Variants in CELA3A observed in about 807,000 individuals in gnomAD.
The protein encoded by CELA3A is chymotrypsin-like elastase family member 3A.
CELA3A carries 35 observed loss-of-function variants against 38.6 expected under a neutral mutation model. The observed-to-expected ratio is 0.91, with a 90% confidence interval of 0.69 to 1.20. The LOEUF (loss-of-function observed/expected upper bound fraction) is 1.20. CELA3A is among the 50% of genes most tolerant of loss of function. The pLI, the probability that CELA3A is intolerant of heterozygous loss-of-function variation, is 0.00. For missense variants in CELA3A, 343 were observed against 354.2 expected (o/e 0.97, Z 0.25); for synonymous variants, 143 against 136.7 (o/e 1.05, Z -0.32).
intron 1 of CELA3A, among the ~76,000 whole-genome samples, chr1:22,002,205 C>G (rs1380896797): frequency 1.3e-5 from 2 of 151,156 alleles, no homozygotes; most frequent in African/African-American, 2.5e-5. Flanking sequence ...CTTACTATGC[C>G]AGGCAGAATG....
At chr1:22,004,941 A>C (rs1427180943) in intron 2 of CELA3A, among the ~76,000 whole-genome samples, 1 of 151,080 alleles carries the variant, frequency 6.6e-6, no homozygotes, top group Non-Finnish European at 1.5e-5. Flanking sequence ...GTCTACTAAA[A>C]ATACAAAATT....
At chr1:22,006,297 G>A (rs11585373) in intron 4 of CELA3A, among the ~76,000 whole-genome samples, 2,163 of 151,512 alleles carry the variant, frequency 0.014, 122 homozygotes, top group African/African-American at 0.051. Flanking sequence ...AGGTGACCAT[G>A]AAGTTGGGCT....
intron 2 of CELA3A, among the ~76,000 whole-genome samples, chr1:22,003,859 C>T (rs1182217439): frequency 6.7e-6 from 1 of 150,258 alleles, no homozygotes; most frequent in Non-Finnish European, 1.5e-5. Context: ...CACGCGCCAC[C>T]AAGCCCGGCT....
rs1472615057 is a variant in CELA3A at position 22,005,715 on chromosome 1, A to C, written c.281A>C (p.Glu94Ala). The change falls in exon 4 of 8, where the codon GAG becomes GCG. Residue 94 changes from glutamate to alanine, a missense_variant. By Grantham distance (107) the Glu-to-Ala change is moderately radical (BLOSUM62 -1). Coordinates refer to ENST00000290122, the MANE Select transcript of CELA3A (RefSeq NM_005747.5). ...VLGEYNLAVK[E>A]GPEQVIPINS... ...GGTGAGTACAACCTTGCTGTGAAGG[A>C]GGGCCCCGAGCAGGTGATCCCCATC... 7 of 1,612,264 alleles carry C rather than the reference A, an allele frequency of 4.3e-6. No individual in the cohort carries two copies. In the South Asian group the frequency reaches 5.5e-5, roughly 13 times the overall value.
chr1:22,009,342 C>T (rs1190567423), intron 6 of CELA3A, among the ~76,000 whole-genome samples: 6 of 151,034 alleles, frequency 4.0e-5, no homozygotes, highest in Non-Finnish European at 5.9e-5. Context: ...CCAGCCTGGG[C>T]GTCAGAGTGA....
chr1:22,005,635 C>T, intron 3 of CELA3A, 27 bp from the exon 4 acceptor site: 1 of 1,612,236 alleles, frequency 6.2e-7, no homozygotes, highest in Non-Finnish European at 8.5e-7. Context: ...CCAGTCAGGC[C>T]CCGACTGACC....
chr1:22,008,999 G>A (rs571607829), intron 6 of CELA3A, among the ~76,000 whole-genome samples: 37 of 151,772 alleles, frequency 2.4e-4, no homozygotes, highest in African/African-American at 9.0e-4. Flanking sequence ...AATCCCTTTG[G>A]GAGGCCCCGG....
In CELA3A at chr1:22,003,102, C is replaced by T; in HGVS notation, c.129+14C>T. On this transcript the variant is annotated intron_variant, in intron 2 of 7. Transcript: ENST00000290122. ...TGGCCCTGGCAGGTAAGAGCAATAGCAGCTGCCCTCATTCCCACCGTGGGC... is the reference window on the plus strand; with the variant it reads ...TGGCCCTGGCAGGTAAGAGCAATAGTAGCTGCCCTCATTCCCACCGTGGGC... The T allele has an allele frequency of 6.4e-7, 1 of 1,573,082 alleles. No homozygotes were observed. The highest frequency in any genetic ancestry group is 8.6e-7 in the Non-Finnish European group (1 of 1,162,986).
chr1:22,003,192 C>T lies in CELA3A; in HGVS notation c.129+104C>T, dbSNP rs1644928702. 3.4e-6 allele frequency: 4 copies of T among 1,162,970 alleles called. No individual in the cohort carries two copies. In the East Asian group the frequency reaches 1.1e-4, roughly 31 times the overall value. The allele number at this position is 1,162,970 out of a possible 1,614,324, so 72.0% of individuals were successfully genotyped here. Reference sequence around the variant, plus strand: ...ACACCATTGCTCCCTTTGCAATGTCCACTTCAGCTTCCAAAGACCAGGCAG... The same window carrying T: ...ACACCATTGCTCCCTTTGCAATGTCTACTTCAGCTTCCAAAGACCAGGCAG... On this transcript the variant is annotated intron_variant, in intron 2 of 7. Transcript: ENST00000290122.
intron 7 of CELA3A, 128 bp from the exon 8 acceptor site, chr1:22,012,322 G>A: frequency 1.5e-6 from 2 of 1,293,358 alleles, no homozygotes; most frequent in Non-Finnish European, 2.1e-6. Flanking sequence ...GGAGGAAACT[G>A]AGGCTCAGAG....
intron 2 of CELA3A, among the ~76,000 whole-genome samples, chr1:22,003,391 C>T (rs1644929675): frequency 6.6e-6 from 1 of 151,124 alleles, no homozygotes; most frequent in Non-Finnish European, 1.5e-5. Context: ...TTTTGAGAGA[C>T]TCATTTCTAG....
chr1:22,006,908 C>T lies in CELA3A; in HGVS notation c.393C>T (p.Arg131=), dbSNP rs1370163223. Residue 131 remains arginine, a synonymous_variant, in exon 5 of 8, where the codon CGC becomes CGT. Coordinates refer to ENST00000290122, the MANE Select transcript of CELA3A (RefSeq NM_005747.5). ...ACATCGCCCTCATCAAGCTCTCACGCAGCGCCCAGCTGGGAGATGCCGTCC... is the reference window on the plus strand; with the variant it reads ...ACATCGCCCTCATCAAGCTCTCACGTAGCGCCCAGCTGGGAGATGCCGTCC... ...GNDIALIKLS[R]SAQLGDAVQL... 1 of 1,612,368 alleles carries T rather than the reference C, an allele frequency of 6.2e-7. No homozygotes were observed. The highest frequency in any genetic ancestry group is 2.2e-5 in the East Asian group (1 of 44,696).
At position 22,009,835 on chromosome 1, in the gene CELA3A, C is replaced by A. The variant is rs1344428270; in HGVS notation, c.773C>A (p.Ala258Asp). The change falls in exon 7 of 8, where the codon GCC becomes GAC. Residue 258 changes from alanine to aspartate, a missense_variant. Ala to Asp is a moderately radical substitution (Grantham distance 126, BLOSUM62 -2). Coordinates refer to ENST00000290122, the MANE Select transcript of CELA3A (RefSeq NM_005747.5). Reference protein sequence around the residue: ...WKPTVFTRVSAFIDWIEETIA... With the variant: ...WKPTVFTRVSDFIDWIEETIA... ...CCCACGGTGTTCACTCGAGTCTCCG[C>A]CTTCATCGACTGGATTGAGGAGGTG... is the stretch of plus-strand genomic sequence containing the variant. 8.7e-6 allele frequency: 14 copies of A among 1,612,518 alleles called. No individual in the cohort carries two copies. The highest frequency in any genetic ancestry group is 1.2e-5 in the Non-Finnish European group (14 of 1,179,638).
chr1:22,005,389 G>T, intron 2 of CELA3A, 58 bp from the exon 3 acceptor site: 1 of 1,596,202 alleles, frequency 6.3e-7, no homozygotes, highest in Non-Finnish European at 8.6e-7. Flanking sequence ...ACAGCCATTG[G>T]TGGCAACTCT....
chr1:22,005,422 A>T, intron 2 of CELA3A, 25 bp from the exon 3 acceptor site: 1 of 1,610,394 alleles, frequency 6.2e-7, no homozygotes, highest in Non-Finnish European at 8.5e-7. Context: ...CAGCCCACTG[A>T]GGCCCTTTCC....
rs764785387 is a variant in CELA3A at position 22,006,861 on chromosome 1, T to C, written c.363-17T>C. On this transcript the variant is annotated splice_polypyrimidine_tract_variant and intron_variant, in intron 4 of 7. Coordinates refer to ENST00000290122, the MANE Select transcript of CELA3A (RefSeq NM_005747.5). Reference sequence around the variant, plus strand: ...CGGCTGGAGGACCAGGCCCCGTGACTGTTCCCTCCTCCCCAGCAATGACAT... The same window carrying C: ...CGGCTGGAGGACCAGGCCCCGTGACCGTTCCCTCCTCCCCAGCAATGACAT... The C allele has an allele frequency of 1.9e-6, 3 of 1,610,422 alleles. No individual in the cohort carries two copies. Among genetic ancestry groups the C allele is most frequent in the Non-Finnish European group, 2.5e-6 (3 of 1,178,122 alleles).
rs549681282 is a variant in CELA3A, at chr1:22,003,084, G to A, written c.125G>A (p.Trp42Ter). The change falls in exon 2 of 8, where the codon TGG (tryptophan) becomes TAG (stop). Residue 42 changes from tryptophan (W) to a stop codon, truncating the protein, a stop_gained. Coordinates refer to ENST00000290122, the MANE Select transcript of CELA3A (RefSeq NM_005747.5). LOFTEE classifies it high-confidence loss of function. Reference protein sequence around the residue: ...GEDAVPYSWPWQVSLQYEKSG... With the variant: ...GEDAVPYSWP ...GATGCGGTCCCCTACAGCTGGCCCT[G>A]GCAGGTAAGAGCAATAGCAGCTGCC... 4.4e-6 allele frequency: 7 copies of A among 1,578,642 alleles called. No individual in the cohort carries two copies. In the Admixed American group the frequency reaches 1.2e-4, roughly 27 times the overall value.
chr1:22,008,555 C>G (rs1400817231), intron 6 of CELA3A, among the ~76,000 whole-genome samples: 1 of 150,318 alleles, frequency 6.7e-6, no homozygotes, highest in Non-Finnish European at 1.5e-5. Flanking sequence ...GTCAGGAGAT[C>G]GAGATCATCC....
chr1:22,005,651 T>G lies in CELA3A; in HGVS notation c.228-11T>G, dbSNP rs754274552. On this transcript the variant is annotated splice_polypyrimidine_tract_variant and intron_variant, in intron 3 of 7. Transcript: ENST00000290122. ...CAGTCAGGCCCCGACTGACCTCACC[T>G]CTGCCTGCAGGAGGGATCTGACCTA... 6.2e-7 allele frequency: 1 copy of G among 1,612,326 alleles called. No individual in the cohort carries two copies. The highest frequency in any genetic ancestry group is 8.5e-7 in the Non-Finnish European group (1 of 1,179,408).
Sources: allele counts gnomAD v4.1 joint callset (sites outside exome capture counted in the v4.1 genomes callset), GRCh38; gene constraint gnomAD v4.1.1; transcripts MANE v1.5; gene names NCBI Gene and HGNC (gene_info 2026-07-23, HGNC 2026-07-21).